Variants in SUGCT observed in about 807,000 individuals in gnomAD.
SUGCT encodes succinyl-CoA:glutarate-CoA transferase.
In SUGCT, 41 loss-of-function variants were observed where a neutral mutation model predicts 55.0. That is an observed-to-expected ratio of 0.74 (90% CI 0.58 to 0.97). SUGCT has a LOEUF of 0.97. Ranked by LOEUF, SUGCT falls within the 50% of genes least tolerant of loss-of-function variation. The pLI is 0.00. For synonymous variants in SUGCT, 187 were observed against 200.4 expected, an observed-to-expected ratio of 0.93 and a Z score of 0.56; for missense variants, 568 against 547.8, an observed-to-expected ratio of 1.04 and a Z score of -0.37.
chr7:40,249,346 T>TAA (rs1554296398), intron 7 of SUGCT, among the ~76,000 whole-genome samples: 27 of 129,820 alleles, frequency 2.1e-4, no homozygotes, highest in South Asian at 1.9e-3. Context: ...TATATATATA[T>TAA]AATTATATTA....
At chr7:40,249,286 T>A (rs1378919020) in intron 7 of SUGCT, among the ~76,000 whole-genome samples, 2 of 101,572 alleles carry the variant, frequency 2.0e-5, no homozygotes, top group Non-Finnish European at 4.1e-5. Context: ...AGTGAGACCT[T>A]GTCTTAAAAC....
At chr7:40,469,926 G>C (rs1790318628) in intron 11 of SUGCT, among the ~76,000 whole-genome samples, 1 of 152,088 alleles carries the variant, frequency 6.6e-6, no homozygotes, top group Non-Finnish European at 1.5e-5. Context: ...TAGATTTATA[G>C]AATGTTAGAG....
chr7:40,590,967 C>T (rs546211874), intron 12 of SUGCT, among the ~76,000 whole-genome samples: 6 of 152,262 alleles, frequency 3.9e-5, no homozygotes, highest in East Asian at 1.9e-4. Flanking sequence ...TACCCAAGAG[C>T]GCTGATGGAG....
chr7:40,769,581 C>G (rs1004499143), intron 13 of SUGCT, among the ~76,000 whole-genome samples: 2 of 152,120 alleles, frequency 1.3e-5, no homozygotes, highest in Non-Finnish European at 2.9e-5. Context: ...GGGCCACAGG[C>G]CAAGAAATGC....
rs935636195 is a variant in SUGCT, at chr7:40,159,978, G to A, written c.101-20969G>A. On this transcript the variant is annotated intron_variant, in intron 1 of 13. Transcript: ENST00000335693. ...CTATTTTTTGTTGTTGCTGGAGAAA[G>A]AAGCATGCTTGATATGGCCTTCCAT... is the stretch of plus-strand genomic sequence containing the variant. Among the ~76,000 whole-genome samples the A allele has an allele frequency of 4.5e-4, 68 of 152,190 alleles. 2 individuals carry two copies.
Position 40,398,515 on chromosome 7 carries a change from C to CTTTTTTTTTTTTTTTTTTT in SUGCT, c.817-50755_817-50754insTTTTTTTTTTTTTTTTTTT, listed in dbSNP as rs138325012. 2.3e-5 allele frequency among the ~76,000 whole-genome samples: 3 copies of CTTTTTTTTTTTTTTTTTTT among 130,934 alleles called. 1 individual carries two copies. The highest frequency in any genetic ancestry group is 5.6e-5 in the African/African-American group (2 of 35,806). The allele number at this position is 130,934 out of a possible 152,430, so 85.9% of individuals were successfully genotyped here. ...AACCTGATCGGTAACACTTTACTGGCTTTTTTTTTTTTTTTTTCTAATTTT... is the reference window on the plus strand; with the variant it reads ...AACCTGATCGGTAACACTTTACTGGCTTTTTTTTTTTTTTTTTTTTTTTTTTTTTTTTTTTTCTAATTTT... On this transcript the variant is annotated intron_variant, in intron 9 of 13. Coordinates refer to ENST00000335693, the MANE Select transcript of SUGCT (RefSeq NM_001193313.2).
At chr7:40,821,081 T>C (rs1460034002) in intron 13 of SUGCT, among the ~76,000 whole-genome samples, 1 of 152,252 alleles carries the variant, frequency 6.6e-6, no homozygotes, top group East Asian at 1.9e-4. Context: ...GATTTGCATA[T>C]GTTGAGCCAA....
intron 11 of SUGCT, among the ~76,000 whole-genome samples, chr7:40,485,417 CTTTTTTTTTTTTTTT>C (rs397889166): frequency 2.7e-5 from 2 of 74,418 alleles, no homozygotes; most frequent in Non-Finnish European, 4.9e-5. Context: ...TATATACATT[CTTTTTTTTTTTTTTT>C]TTTTTTTTTT....
At chr7:41,010,320 A>AAAC in the SUGCT span, among the ~76,000 whole-genome samples, 1 of 152,362 alleles carries the variant, frequency 6.6e-6, no homozygotes, top group African/African-American at 2.4e-5. Context: ...GACACGAGTA[A>AAAC]AACACAAGCT....
At chr7:40,963,753 C>CAGA in the SUGCT span, among the ~76,000 whole-genome samples, 135,675 of 151,988 alleles carry the variant, frequency 0.89, 60,814 homozygotes, top group African/African-American at 0.97. Flanking sequence ...TTGTTTCTGG[C>CAGA]AGATGTGCCT....
At chr7:40,938,644 T>A in the SUGCT span, among the ~76,000 whole-genome samples, 1 of 152,192 alleles carries the variant, frequency 6.6e-6, no homozygotes, top group Non-Finnish European at 1.5e-5. Context: ...CTGTATTAGA[T>A]ATTAGATGTA....
chr7:41,035,073 C>A, the SUGCT span, among the ~76,000 whole-genome samples: 1 of 152,232 alleles, frequency 6.6e-6, no homozygotes. Context: ...TTGCCACCAG[C>A]TGCCTGCTAA....
At chr7:40,437,648 A>G (rs1308562275) in intron 9 of SUGCT, among the ~76,000 whole-genome samples, 1 of 152,162 alleles carries the variant, frequency 6.6e-6, no homozygotes, top group Admixed American at 6.6e-5. Context: ...CCAGTGCCAT[A>G]AGGTGAACTG....
chr7:40,621,171 A>C (rs1232052779), intron 12 of SUGCT, among the ~76,000 whole-genome samples: 1 of 152,142 alleles, frequency 6.6e-6, no homozygotes, highest in Non-Finnish European at 1.5e-5. Flanking sequence ...TATTATTAGT[A>C]TTGTATTTAT....
At chr7:41,021,209 A>G in the SUGCT span, among the ~76,000 whole-genome samples, 1 of 152,228 alleles carries the variant, frequency 6.6e-6, no homozygotes, top group African/African-American at 2.4e-5. Flanking sequence ...AAGCAAAGTT[A>G]TGGACTAGCT....
chr7:40,793,561 T>C (rs998304288), intron 13 of SUGCT, among the ~76,000 whole-genome samples: 4 of 152,156 alleles, frequency 2.6e-5, no homozygotes, highest in African/African-American at 7.2e-5. Context: ...GGACTTTATT[T>C]TTTGCTGTTA....
chr7:40,423,293 G>A (rs1787410473), intron 9 of SUGCT, among the ~76,000 whole-genome samples: 1 of 152,006 alleles, frequency 6.6e-6, no homozygotes, highest in Non-Finnish European at 1.5e-5. Flanking sequence ...TAGTGTCTGT[G>A]GAAAGATATT....
chr7:40,544,424 C>T (rs1055554028), intron 12 of SUGCT, among the ~76,000 whole-genome samples: 2 of 152,156 alleles, frequency 1.3e-5, no homozygotes, highest in Non-Finnish European at 2.9e-5. Flanking sequence ...GAAGAATCTT[C>T]TTTGCAGCGG....
At chr7:40,738,196 T>TAA (rs71714222) in intron 12 of SUGCT, among the ~76,000 whole-genome samples, 38 of 111,014 alleles carry the variant, frequency 3.4e-4, no homozygotes, top group African/African-American at 5.5e-4. Flanking sequence ...GACTCCATCT[T>TAA]AAAAAAAAAA....
Sources: gnomAD v4.1 joint callset for allele counts (sites outside exome capture counted in the v4.1 genomes callset) on GRCh38, gnomAD v4.1.1 for gene constraint, MANE v1.5 for transcripts, NCBI Gene and HGNC (gene_info 2026-07-23, HGNC 2026-07-21) for gene names.